Variants in S100A12 observed in about 807,000 individuals in gnomAD.
S100A12 encodes the protein S100 calcium binding protein A12, also known as protein S100-A12.
S100A12 carries 3 observed loss-of-function variants against 4.0 expected under a neutral mutation model. That is an observed-to-expected ratio of 0.75 (90% confidence interval 0.34 to 1.94). The LOEUF is 1.94. Among genes scored for constraint, S100A12 ranks in the 30% most tolerant of loss-of-function variants. The pLI, the probability that S100A12 is intolerant of heterozygous loss-of-function variation, is 0.07. For synonymous variants in S100A12, 50 were observed against 41.4 expected (o/e 1.21, Z -0.79); for missense variants, 122 against 107.0 (o/e 1.14, Z -0.62).
At chr1:153,375,073 G>C (rs1452379016) in intron 1 of S100A12, among the ~76,000 whole-genome samples, 1 of 152,116 alleles carries the variant, frequency 6.6e-6, no homozygotes, top group Admixed American at 6.5e-5. Flanking sequence ...TTGAGACGGA[G>C]TCTCACTCTG....
At position 153,373,747 on chromosome 1, in the gene S100A12, G is replaced by A. The variant is rs541613909; in HGVS notation, c.*80C>T. 4.5e-4 allele frequency: 548 copies of A among 1,224,912 alleles called. No homozygotes were observed. The highest frequency in any genetic ancestry group is 1.0e-3 in the Admixed American group (55 of 53,438). 75.9% of individuals were successfully genotyped at this position (1,224,912 alleles called of 1,614,324 possible). On this transcript the variant is annotated 3_prime_UTR_variant, in exon 3 of 3. Transcript: ENST00000368737. ...GTGTTTATTAACTCTTACTCCCCAC[G>A]GGCAAGGCTGGGTTTTGGTGAGGGA...
chr1:153,375,071 G>C (rs891516876), intron 1 of S100A12, among the ~76,000 whole-genome samples: 3 of 152,054 alleles, frequency 2.0e-5, no homozygotes, highest in Admixed American at 2.0e-4. Flanking sequence ...TTTTGAGACG[G>C]AGTCTCACTC....
At chr1:153,374,946 C>A (rs1280012825) in intron 1 of S100A12, among the ~76,000 whole-genome samples, 1 of 152,218 alleles carries the variant, frequency 6.6e-6, no homozygotes, top group African/African-American at 2.4e-5. Flanking sequence ...TTGCTTTCCT[C>A]AGGTGATGGC....
At position 153,374,469 on chromosome 1, in the gene S100A12, C is replaced by A. The variant is rs1219333267; in HGVS notation, c.124G>T (p.Ala42Ser). The part of the protein sequence containing the change: ...ELKQLLTKEL[A>S]NTIKNIKDKA... ...GCATCACCTACCTTGATGGTGTTTG[C>A]AAGCTCCTTTGTAAGCAGCTGCTTC... The change falls in exon 2 of 3, where the codon GCA becomes TCA. Residue 42 changes from alanine (A) to serine (S), a missense_variant. By Grantham distance (99) the Ala-to-Ser change is moderately conservative. Transcript: ENST00000368737. 1.9e-6 allele frequency: 3 copies of A among 1,613,420 alleles called. No homozygotes were observed. The highest frequency in any genetic ancestry group is 2.2e-5 in the East Asian group (1 of 44,892).
At chr1:153,374,967 C>T (rs955069263) in intron 1 of S100A12, among the ~76,000 whole-genome samples, 1 of 152,196 alleles carries the variant, frequency 6.6e-6, no homozygotes, top group African/African-American at 2.4e-5. Context: ...ACTATGGCCA[C>T]ATATCCCCCA....
At position 153,373,753 on chromosome 1, in the gene S100A12, G is replaced by T; in HGVS notation, c.*74C>A. The stretch of plus-strand genomic sequence containing the variant: ...ATTAACTCTTACTCCCCACGGGCAA[G>T]GCTGGGTTTTGGTGAGGGAAAGAAA... On this transcript the variant is annotated 3_prime_UTR_variant, in exon 3 of 3. Coordinates refer to ENST00000368737, the MANE Select transcript of S100A12 (RefSeq NM_005621.2). 7.7e-7 allele frequency: 1 copy of T among 1,293,912 alleles called. No homozygotes were observed. The highest frequency in any genetic ancestry group is 1.1e-6 in the Non-Finnish European group (1 of 897,620). The allele number at this position is 1,293,912 out of a possible 1,614,324, so 80.2% of individuals were successfully genotyped here.
At chr1:153,374,814 G>A (rs192008662) in intron 1 of S100A12, among the ~76,000 whole-genome samples, 20 of 152,218 alleles carry the variant, frequency 1.3e-4, no homozygotes, top group African/African-American at 2.6e-4. Context: ...ACTGTCTAAC[G>A]TCTAAAAAAA....
At chr1:153,374,250 G>A (rs1661681269) in intron 2 of S100A12, among the ~76,000 whole-genome samples, 1 of 152,196 alleles carries the variant, frequency 6.6e-6, no homozygotes, top group African/African-American at 2.4e-5. Context: ...CAGACTCAGA[G>A]AGAGGAACTG....
At chr1:153,374,733 G>C (rs955270122) in intron 1 of S100A12, 121 bp from the exon 2 acceptor site, 2 of 684,702 alleles carry the variant, frequency 2.9e-6, no homozygotes, top group Admixed American at 2.6e-5. Context: ...TCTATTTTGT[G>C]GTCTCTGCTC....
rs1233405975 is a variant in S100A12 at position 153,374,458 on chromosome 1, G to T, written c.135C>A (p.Ile45=). 6.2e-7 allele frequency: 1 copy of T among 1,612,916 alleles called. No homozygotes were observed. The highest frequency in any genetic ancestry group is 1.3e-5 in the African/African-American group (1 of 74,886). Residue 45 remains isoleucine, a synonymous_variant, in exon 2 of 3, where the codon ATC becomes ATA. Coordinates refer to ENST00000368737, the MANE Select transcript of S100A12 (RefSeq NM_005621.2). ...CAGTGAGAGGGGCATCACCTACCTT[G>T]ATGGTGTTTGCAAGCTCCTTTGTAA... ...QLLTKELANT[I]KNIKDKAVID... is the part of the protein sequence containing the mutation.
chr1:153,374,453 AC>A lies in S100A12; in HGVS notation c.138+1del. The A allele has an allele frequency of 6.2e-7, 1 of 1,612,080 alleles. No homozygotes were observed. Among genetic ancestry groups the A allele is most frequent in the Non-Finnish European group, 8.5e-7 (1 of 1,179,092 alleles). Reference sequence around the variant, plus strand: ...GTTTGCAGTGAGAGGGGCATCACCTACCTTGATGGTGTTTGCAAGCTCCTTT... The same window carrying A: ...GTTTGCAGTGAGAGGGGCATCACCTACTTGATGGTGTTTGCAAGCTCCTTT... On this transcript the variant is annotated splice_donor_variant, in intron 2 of 2. Coordinates refer to ENST00000368737, the MANE Select transcript of S100A12 (RefSeq NM_005621.2). LOFTEE classifies it high-confidence loss of function.
intron 1 of S100A12, among the ~76,000 whole-genome samples, chr1:153,375,196 G>A (rs1430158559): frequency 3.9e-5 from 6 of 152,038 alleles, no homozygotes; most frequent in Non-Finnish European, 2.9e-5. Context: ...ACAGGCACCC[G>A]CCACCACGCC....
At chr1:153,374,111 A>G in intron 2 of S100A12, 144 bp from the exon 3 acceptor site, 1 of 825,370 alleles carries the variant, frequency 1.2e-6, no homozygotes, top group Non-Finnish European at 2.1e-6. Flanking sequence ...AATCCAGTGT[A>G]ACAAAACAGA....
Position 153,374,357 on chromosome 1 carries a change from C to T in S100A12, c.138+98G>A, listed in dbSNP as rs1330720751. The stretch of plus-strand genomic sequence containing the variant: ...TTTGGGAGCTCAAACTGGGGCCAAC[C>T]CCACCCCAGTCCTTGTCCCACCATC... On this transcript the variant is annotated intron_variant, in intron 2 of 2. Coordinates refer to ENST00000368737, the MANE Select transcript of S100A12 (RefSeq NM_005621.2). 2.7e-5 allele frequency: 35 copies of T among 1,284,594 alleles called. No individual in the cohort carries two copies. The Admixed American group carries it at 7.9e-4, about 29-fold the overall frequency. 79.6% of individuals were successfully genotyped at this position (1,284,594 alleles called of 1,614,324 possible). A position where few individuals can be genotyped will look rare whatever the true frequency, so the allele number is the denominator to read the frequency against.
In S100A12 at chr1:153,373,866, A is replaced by G. The variant is rs773851314; in HGVS notation, c.240T>C (p.Ile80=). Reference sequence around the variant, plus strand: ...TGTGGTAATGGGCAGCCTTCAGCGCAATGGCTACCAGGGATATGAATTCTT... The same window carrying G: ...TGTGGTAATGGGCAGCCTTCAGCGCGATGGCTACCAGGGATATGAATTCTT... ...DFQEFISLVA[I]ALKAAHYHTH... is the part of the protein sequence containing the mutation. Residue 80 remains isoleucine (I), a synonymous_variant, in exon 3 of 3, where the codon ATT becomes ATC. Coordinates refer to ENST00000368737, the MANE Select transcript of S100A12 (RefSeq NM_005621.2). The G allele has an allele frequency of 6.2e-7, 1 of 1,613,410 alleles. No individual in the cohort carries two copies. Among genetic ancestry groups the G allele is most frequent in the Non-Finnish European group, 8.5e-7 (1 of 1,179,308 alleles).
chr1:153,374,917 C>T (rs1481333829), intron 1 of S100A12, among the ~76,000 whole-genome samples: 2 of 152,208 alleles, frequency 1.3e-5, no homozygotes, highest in African/African-American at 4.8e-5. Flanking sequence ...GGGAAGGGTT[C>T]TGTGATTGGC....
intron 2 of S100A12, among the ~76,000 whole-genome samples, chr1:153,374,241 A>C (rs764189429): frequency 6.6e-6 from 1 of 152,198 alleles, no homozygotes; most frequent in African/African-American, 2.4e-5. Flanking sequence ...ATGAGGAAAC[A>C]GACTCAGAGA....
In S100A12 at chr1:153,373,821, A is replaced by G. The variant is rs1356257025; in HGVS notation, c.*6T>C. ...ATTGCTGGGTAAAAAGCCTTCAGAG[A>G]GCTACCTACTCTTTGTGGGTGTGGT... is the stretch of plus-strand genomic sequence containing the variant. On this transcript the variant is annotated 3_prime_UTR_variant, in exon 3 of 3. Transcript: ENST00000368737. 1 of 1,613,092 alleles carries G rather than the reference A, an allele frequency of 6.2e-7. No individual in the cohort carries two copies. The highest frequency in any genetic ancestry group is 1.1e-5 in the South Asian group (1 of 91,040).
Position 153,373,922 on chromosome 1 carries a change from C to T in S100A12, c.184G>A (p.Asp62Asn), listed in dbSNP as rs750471235. Reference sequence around the variant, plus strand: ...TCGACCTGTTCATCTTGATTAGCATCCAGGCCTTGGAATATTTCATCAATG... The same window carrying T: ...TCGACCTGTTCATCTTGATTAGCATTCAGGCCTTGGAATATTTCATCAATG... The part of the protein sequence containing the change: ...AVIDEIFQGL[D>N]ANQDEQVDFQ... Residue 62 changes from aspartate (D) to asparagine (N), a missense_variant, in exon 3 of 3, where the codon GAT becomes AAT. Physicochemically the swap from Asp to Asn is conservative, Grantham distance 23 (BLOSUM62 1). Coordinates refer to ENST00000368737, the MANE Select transcript of S100A12 (RefSeq NM_005621.2). 2.2e-5 allele frequency: 35 copies of T among 1,612,988 alleles called. No homozygotes were observed. The Admixed American group carries it at 2.3e-4, about 11-fold the overall frequency.
Sources: allele counts gnomAD v4.1 joint callset (sites outside exome capture counted in the v4.1 genomes callset), GRCh38; gene constraint gnomAD v4.1.1; transcripts MANE v1.5; gene names NCBI Gene and HGNC (gene_info 2026-07-23, HGNC 2026-07-21).